Variants in SOX5 observed in about 807,000 individuals in gnomAD.
SOX5 encodes the protein transcription factor SOX-5.
Under a neutral mutation model 92.0 loss-of-function variants are expected in SOX5, and 9 were observed. That is an observed-to-expected ratio of 0.10 (90% confidence interval 0.06 to 0.17). The LOEUF (loss-of-function observed/expected upper bound fraction) is 0.17, where lower values mean the gene tolerates loss of function less well. Ranked by LOEUF, SOX5 falls within the 10% of genes least tolerant of loss-of-function variation. The pLI is 1.00. For missense variants in SOX5, 642 were observed against 944.5 expected, an observed-to-expected ratio of 0.68 and a Z score of 4.20; for synonymous variants, 344 against 336.3, an observed-to-expected ratio of 1.02 and a Z score of -0.25.
chr12:24,325,324 A>G (rs1185218926), intron 2 of SOX5, among the ~76,000 whole-genome samples: 1 of 152,220 alleles, frequency 6.6e-6, no homozygotes, highest in Non-Finnish European at 1.5e-5. Flanking sequence ...GCAATCTTTT[A>G]TAGTTTATTT....
intron 1 of SOX5, among the ~76,000 whole-genome samples, chr12:24,541,787 GGTAA>G (rs1341087143): frequency 6.6e-6 from 1 of 152,172 alleles, no homozygotes; most frequent in Non-Finnish European, 1.5e-5. Context: ...AGGAGAAAAT[GGTAA>G]GTAAGAGTAT....
chr12:23,579,575 T>G (rs1358413675), intron 9 of SOX5, among the ~76,000 whole-genome samples: 1 of 152,164 alleles, frequency 6.6e-6, no homozygotes, highest in East Asian at 1.9e-4. Flanking sequence ...TTTGACTAGA[T>G]GAAAATTTAA....
chr12:23,759,425 C>T (rs1439217820), intron 3 of SOX5, among the ~76,000 whole-genome samples: 2 of 151,874 alleles, frequency 1.3e-5, no homozygotes, highest in East Asian at 3.9e-4. Context: ...GTGGGGGTGA[C>T]GAGGGAAGGG....
chr12:23,834,215 C>G (rs2096376727), intron 3 of SOX5, among the ~76,000 whole-genome samples: 1 of 151,758 alleles, frequency 6.6e-6, no homozygotes, highest in Admixed American at 6.6e-5. Flanking sequence ...TATAAAACAG[C>G]ACAGTAATAT....
At chr12:23,756,137 T>C (rs909320488) in intron 3 of SOX5, among the ~76,000 whole-genome samples, 1 of 151,758 alleles carries the variant, frequency 6.6e-6, no homozygotes, top group Non-Finnish European at 1.5e-5. Flanking sequence ...TGTAATTATA[T>C]CCCTCTGTGT....
At chr12:23,587,998 AC>A (rs1267487873) in intron 9 of SOX5, among the ~76,000 whole-genome samples, 2 of 152,056 alleles carry the variant, frequency 1.3e-5, no homozygotes, top group African/African-American at 4.8e-5. Flanking sequence ...TTTAATGATA[AC>A]CTCAATAGAG....
chr12:24,362,897 G>A (rs1955747202), intron 2 of SOX5, among the ~76,000 whole-genome samples: 1 of 146,476 alleles, frequency 6.8e-6, no homozygotes. Context: ...AGGGCTATTA[G>A]CATAACAGCA....
chr12:23,551,952 G>A (rs1013681026), intron 11 of SOX5, among the ~76,000 whole-genome samples: 1 of 151,826 alleles, frequency 6.6e-6, no homozygotes, highest in Non-Finnish European at 1.5e-5. Context: ...CTGATCAAGT[G>A]AAATGTATTA....
At chr12:23,986,409 CTTA>C (rs967291936) in intron 4 of SOX5, among the ~76,000 whole-genome samples, 4 of 151,988 alleles carry the variant, frequency 2.6e-5, no homozygotes, top group African/African-American at 7.2e-5. Context: ...CAGAAAAGGA[CTTA>C]TTATCACTTT....
chr12:24,036,705 A>C (rs1480802393), intron 4 of SOX5, among the ~76,000 whole-genome samples: 1 of 152,092 alleles, frequency 6.6e-6, no homozygotes, highest in Non-Finnish European at 1.5e-5. Flanking sequence ...CATTTCTACA[A>C]ACTGTGGACT....
intron 4 of SOX5, among the ~76,000 whole-genome samples, chr12:24,209,079 A>C (rs1031331982): frequency 6.6e-6 from 1 of 152,208 alleles, no homozygotes; most frequent in African/African-American, 2.4e-5. Context: ...AATTTAAAAA[A>C]AGTTTTTATT....
intron 1 of SOX5, among the ~76,000 whole-genome samples, chr12:24,467,483 T>C (rs1944348661): frequency 1.3e-5 from 2 of 151,964 alleles, no homozygotes; most frequent in Non-Finnish European, 2.9e-5. Flanking sequence ...GGAAGGAAAC[T>C]GTGGGCAGAC....
At chr12:23,911,704 G>A (rs551811589) in intron 1 of SOX5, among the ~76,000 whole-genome samples, 2 of 152,252 alleles carry the variant, frequency 1.3e-5, no homozygotes, top group African/African-American at 2.4e-5. Flanking sequence ...TGGTTTCAAA[G>A]TGGTTTGAAT....
intron 1 of SOX5, among the ~76,000 whole-genome samples, chr12:24,534,318 A>G (rs904406506): frequency 6.6e-6 from 1 of 151,944 alleles, no homozygotes; most frequent in African/African-American, 2.4e-5. Flanking sequence ...CCCTCAGAAA[A>G]GTGACCAAAC....
rs544435059 is a variant in SOX5 at position 24,483,053 on chromosome 12, T to C, written c.-251+79276A>G. Reference sequence around the variant, plus strand: ...ATAAAAATAAAGTTAAAACAATGTTTAGGATGACTCAGTTACAATGATACT... The same window carrying C: ...ATAAAAATAAAGTTAAAACAATGTTCAGGATGACTCAGTTACAATGATACT... On this transcript the variant is annotated intron_variant, in intron 1 of 4. Coordinates refer to the SOX5 transcript ENST00000446891. Among the ~76,000 whole-genome samples, 4 of 152,184 alleles carry C rather than the reference T, an allele frequency of 2.6e-5. No homozygotes were observed. In the South Asian group the frequency reaches 8.3e-4, roughly 31 times the overall value.
chr12:24,274,856 G>A (rs1473087154), intron 3 of SOX5, among the ~76,000 whole-genome samples: 1 of 152,136 alleles, frequency 6.6e-6, no homozygotes, highest in Non-Finnish European at 1.5e-5. Context: ...TACACAAGTT[G>A]TGCTTTGTGC....
intron 6 of SOX5, among the ~76,000 whole-genome samples, chr12:23,733,990 T>A (rs770640817): frequency 3.3e-5 from 5 of 152,212 alleles, no homozygotes; most frequent in African/African-American, 4.8e-5. Flanking sequence ...ATGAAGTAAG[T>A]GCTGTTCAGA....
intron 4 of SOX5, among the ~76,000 whole-genome samples, chr12:24,085,051 A>G (rs1943803751): frequency 6.6e-6 from 1 of 152,058 alleles, no homozygotes; most frequent in Non-Finnish European, 1.5e-5. Context: ...CTTCAAAACC[A>G]CAAGGACTAC....
chr12:24,529,696 C>A (rs527580085), intron 1 of SOX5, among the ~76,000 whole-genome samples: 8 of 152,046 alleles, frequency 5.3e-5, no homozygotes, highest in African/African-American at 1.9e-4. Flanking sequence ...CAAGAGTTAT[C>A]GCTTGCAGAG....
Sources: allele counts gnomAD v4.1 joint callset (sites outside exome capture counted in the v4.1 genomes callset), GRCh38; gene constraint gnomAD v4.1.1; transcripts MANE v1.5; gene names NCBI Gene and HGNC (gene_info 2026-07-23, HGNC 2026-07-21).